The following CRISPLD2 variants were observed in gnomAD, a reference collection of about 807,000 sequenced individuals.
CRISPLD2 encodes the protein cysteine-rich secretory protein LCCL domain-containing 2.
A neutral mutation model predicts 71.1 loss-of-function variants in CRISPLD2; 47 were observed. The observed-to-expected ratio is 0.66, with a 90% CI of 0.52 to 0.84. The LOEUF (loss-of-function observed/expected upper bound fraction) is 0.84. Ranked by LOEUF, CRISPLD2 falls within the 40% of genes least tolerant of loss-of-function variation. The probability of loss-of-function intolerance (pLI) is 0.00; values close to 1 mark genes in which losing one functional copy is unlikely to be tolerated. For synonymous variants in CRISPLD2, 317 were observed against 250.1 expected (o/e 1.27, Z -2.52); for missense variants, 830 against 651.1 (o/e 1.27, Z -2.99).
intron 9 of CRISPLD2, 126 bp from the exon 10 acceptor site, chr16:84,872,866 C>A: frequency 8.3e-7 from 1 of 1,200,492 alleles, no homozygotes; most frequent in Non-Finnish European, 1.2e-6. Context: ...GAGGCAGGAG[C>A]AGAGTGAGCT....
At chr16:84,833,653 G>C (rs1280335749) in intron 1 of CRISPLD2, among the ~76,000 whole-genome samples, 2 of 152,184 alleles carry the variant, frequency 1.3e-5, no homozygotes, top group African/African-American at 4.8e-5. Context: ...GCATCCATCT[G>C]CCAGAGGTCA....
chr16:84,879,620 C>A (rs2071550924), intron 12 of CRISPLD2, among the ~76,000 whole-genome samples: 1 of 152,118 alleles, frequency 6.6e-6, no homozygotes, highest in Non-Finnish European at 1.5e-5. Context: ...CCTCGGCCTC[C>A]CAAAGTGCTG....
At chr16:84,891,457 C>A (rs574105832) in intron 14 of CRISPLD2, among the ~76,000 whole-genome samples, 2 of 152,308 alleles carry the variant, frequency 1.3e-5, no homozygotes, top group Admixed American at 1.3e-4. Context: ...TAGACAGCTT[C>A]CACGTTTTCT....
chr16:84,849,601 G>C, intron 4 of CRISPLD2, 84 bp downstream of exon 4: 1 of 1,424,618 alleles, frequency 7.0e-7, no homozygotes, highest in African/African-American at 1.4e-5. Flanking sequence ...TGTCAAATCT[G>C]TAAAGCCTCT....
rs901944530 is a variant in CRISPLD2, at chr16:84,880,539, A to G, written c.1260A>G (p.Glu420=). Reference sequence around the variant, plus strand: ...ATTGTCCGGCACACTGCAAAGACGAACCTTCCTACTGGGCTCCGGTGTTTG... The same window carrying G: ...ATTGTCCGGCACACTGCAAAGACGAGCCTTCCTACTGGGCTCCGGTGTTTG... ...RIHCPAHCKD[E]PSYWAPVFGT... The change falls in exon 13 of 15, where the codon GAA becomes GAG. Residue 420 remains glutamate, a synonymous_variant. Transcript: ENST00000262424. 3 of 1,613,710 alleles carry G rather than the reference A, an allele frequency of 1.9e-6. No homozygotes were observed. The highest frequency in any genetic ancestry group is 1.1e-5 in the South Asian group (1 of 91,056).
chr16:84,897,130 C>A (rs932059782), intron 14 of CRISPLD2, among the ~76,000 whole-genome samples: 1 of 152,146 alleles, frequency 6.6e-6, no homozygotes, highest in Admixed American at 6.5e-5. Context: ...TTGTTCCTGC[C>A]CCTTTACTCT....
At chr16:84,833,316 A>T (rs1329201111) in intron 1 of CRISPLD2, among the ~76,000 whole-genome samples, 1 of 151,810 alleles carries the variant, frequency 6.6e-6, no homozygotes, top group East Asian at 1.9e-4. Flanking sequence ...GTGTGTTTTC[A>T]TGAGGTCTCG....
chr16:84,835,705 C>T (rs4783083), intron 1 of CRISPLD2, among the ~76,000 whole-genome samples: 13,134 of 152,266 alleles, frequency 0.086, 710 homozygotes, highest in Middle Eastern at 0.14. Context: ...CGTGGTTCTC[C>T]CAACTCTAAA....
At chr16:84,822,752 T>A (rs1049636824) in intron 1 of CRISPLD2, among the ~76,000 whole-genome samples, 3 of 152,098 alleles carry the variant, frequency 2.0e-5, no homozygotes, top group African/African-American at 4.8e-5. Context: ...TGTAAAGTCT[T>A]AAATAGAGCA....
intron 14 of CRISPLD2, among the ~76,000 whole-genome samples, chr16:84,891,630 A>C (rs2071663649): frequency 7.7e-6 from 1 of 129,778 alleles, no homozygotes; most frequent in African/African-American, 3.2e-5. Flanking sequence ...CCTCTTTGAG[A>C]GAAAACAGTC....
chr16:84,896,903 C>G (rs1250023301), intron 14 of CRISPLD2, among the ~76,000 whole-genome samples: 29 of 152,230 alleles, frequency 1.9e-4, no homozygotes, highest in Non-Finnish European at 2.9e-5. Flanking sequence ...GGCTTCAGGA[C>G]TCCACAGGGC....
chr16:84,857,918 G>T (rs2087992), intron 6 of CRISPLD2, among the ~76,000 whole-genome samples: 1 of 151,980 alleles, frequency 6.6e-6, no homozygotes, highest in Admixed American at 6.6e-5. Flanking sequence ...TGCTGTGCAC[G>T]ACCCGCTTTA....
At chr16:84,883,244 C>G (rs901438270) in intron 13 of CRISPLD2, among the ~76,000 whole-genome samples, 1 of 152,182 alleles carries the variant, frequency 6.6e-6, no homozygotes, top group Admixed American at 6.5e-5. Context: ...ATGATGATGG[C>G]TTTTGGAAAA....
intron 11 of CRISPLD2, among the ~76,000 whole-genome samples, chr16:84,875,845 C>T (rs544805068): frequency 4.0e-5 from 6 of 151,634 alleles, no homozygotes; most frequent in Admixed American, 3.3e-4. Context: ...GGATTACATG[C>T]GTGAGCCATT....
intron 1 of CRISPLD2, among the ~76,000 whole-genome samples, chr16:84,827,870 A>G (rs968386638): frequency 5.3e-5 from 8 of 152,228 alleles, no homozygotes; most frequent in Admixed American, 4.6e-4. Flanking sequence ...CCGGGCCTAC[A>G]GTGCCCTTTC....
At chr16:84,855,497 A>G (rs1917212926) in intron 6 of CRISPLD2, among the ~76,000 whole-genome samples, 1 of 151,994 alleles carries the variant, frequency 6.6e-6, no homozygotes, top group South Asian at 2.1e-4. Flanking sequence ...GTCTTTTCAC[A>G]TTTTTCTGCC....
At chr16:84,835,673 A>T (rs767900129) in intron 1 of CRISPLD2, among the ~76,000 whole-genome samples, 5 of 152,156 alleles carry the variant, frequency 3.3e-5, no homozygotes, top group African/African-American at 4.8e-5. Context: ...TTGTCTTCCA[A>T]TGTGGAGGTT....
intron 14 of CRISPLD2, among the ~76,000 whole-genome samples, chr16:84,900,542 G>T (rs374828987): frequency 5.4e-4 from 4 of 7,370 alleles, no homozygotes; most frequent in Admixed American, 3.4e-3. Context: ...ACAGCGCTGG[G>T]AGGCATCACA....
intron 14 of CRISPLD2, among the ~76,000 whole-genome samples, chr16:84,902,771 G>T (rs201450368): frequency 4.2e-5 from 4 of 95,658 alleles, no homozygotes; most frequent in South Asian, 3.7e-4. Context: ...TCGGCCCATT[G>T]CTTTTTTTTT....
Sources: gnomAD v4.1 joint callset for allele counts (sites outside exome capture counted in the v4.1 genomes callset) on GRCh38, gnomAD v4.1.1 for gene constraint, MANE v1.5 for transcripts, NCBI Gene and HGNC (gene_info 2026-07-23, HGNC 2026-07-21) for gene names.